FGD3: variants seen among roughly 807,000 people sequenced by gnomAD.
FGD3 encodes FYVE, RhoGEF and PH domain containing 3.
A neutral mutation model predicts 71.8 loss-of-function variants in FGD3; 45 were observed. The observed-to-expected ratio is 0.63, with a 90% CI of 0.49 to 0.80. FGD3 has a LOEUF of 0.80. Ranked by LOEUF, FGD3 falls within the 30% of genes least tolerant of loss-of-function variation. The pLI is 0.00. For missense variants in FGD3, 844 were observed against 951.5 expected, an observed-to-expected ratio of 0.89 and a Z score of 1.49; for synonymous variants, 378 against 392.8, an observed-to-expected ratio of 0.96 and a Z score of 0.44.
intron 1 of FGD3, among the ~76,000 whole-genome samples, chr9:92,951,744 A>G (rs1858958304): frequency 6.6e-6 from 1 of 152,190 alleles, no homozygotes; most frequent in Non-Finnish European, 1.5e-5. Flanking sequence ...GAGCACACTC[A>G]TGTTCTTGGT....
At chr9:92,994,892 T>A (rs1860569441) in intron 3 of FGD3, among the ~76,000 whole-genome samples, 1 of 152,246 alleles carries the variant, frequency 6.6e-6, no homozygotes, top group Admixed American at 6.5e-5. Context: ...TAATATAGTT[T>A]GAAGTCGGGT....
chr9:92,971,566 CTTTTTTTTTTTTTTT>C (rs869043960), intron 1 of FGD3, among the ~76,000 whole-genome samples: 2 of 39,570 alleles, frequency 5.1e-5, no homozygotes, highest in Non-Finnish European at 9.3e-5. Flanking sequence ...CTTTTCTTTT[CTTTTTTTTTTTTTTT>C]TTTTTTTTTT....
chr9:92,980,680 G>A (rs1048657563), intron 3 of FGD3, among the ~76,000 whole-genome samples: 1 of 151,944 alleles, frequency 6.6e-6, no homozygotes, highest in African/African-American at 2.4e-5. Context: ...GTTTAAGAAT[G>A]TGTTGTTTAG....
intron 3 of FGD3, among the ~76,000 whole-genome samples, chr9:92,995,148 G>C (rs987867068): frequency 2.0e-5 from 3 of 151,878 alleles, no homozygotes; most frequent in Non-Finnish European, 4.4e-5. Flanking sequence ...CTTTTATTTC[G>C]TTGAGCAGTG....
intron 13 of FGD3, 104 bp downstream of exon 13, chr9:93,020,528 C>T (rs1332364847): frequency 1.2e-6 from 1 of 861,260 alleles, no homozygotes; most frequent in Non-Finnish European, 1.9e-6. Context: ...TCCAGGCTTT[C>T]CTCCTGCTAC....
intron 14 of FGD3, among the ~76,000 whole-genome samples, chr9:93,024,106 C>T (rs12379054): frequency 0.39 from 60,021 of 152,064 alleles, 13,159 homozygotes; most frequent in African/African-American, 0.59. Context: ...GGAATCCGCC[C>T]GTCAGCAACT....
rs140369412 is a variant in FGD3, at chr9:93,035,979, G to A, written c.*390G>A. The A allele has an allele frequency of 1.7e-3, 331 of 196,638 alleles. 2 individuals carry two copies. The highest frequency in any genetic ancestry group is 7.3e-3 in the African/African-American group (314 of 43,020). 12.2% of individuals were successfully genotyped at this position (196,638 alleles called of 1,614,324 possible). ...GGTCCACCCCGCCTCTGCCCAGCCT[G>A]TCTACACCGTGTGAGCTGAATCGTG... On this transcript the variant is annotated 3_prime_UTR_variant, in exon 18 of 18. Coordinates refer to ENST00000375482, the MANE Select transcript of FGD3 (RefSeq NM_001083536.2).
intron 11 of FGD3, among the ~76,000 whole-genome samples, chr9:93,019,150 C>T (rs1390005916): frequency 1.3e-5 from 2 of 152,142 alleles, no homozygotes; most frequent in African/African-American, 2.4e-5. Flanking sequence ...GTGCCCAGCC[C>T]CTTCTAGGAT....
chr9:93,020,513 T>A, intron 13 of FGD3, 89 bp downstream of exon 13: 1 of 1,096,770 alleles, frequency 9.1e-7, no homozygotes, highest in Non-Finnish European at 1.4e-6. Context: ...GTGGGCAGCT[T>A]GACCTCCAGG....
chr9:93,009,797 C>A (rs543741474), intron 6 of FGD3, among the ~76,000 whole-genome samples: 2 of 152,200 alleles, frequency 1.3e-5, no homozygotes, highest in African/African-American at 4.8e-5. Flanking sequence ...AAGGACTCCC[C>A]GAGCTGCTTC....
intron 1 of FGD3, among the ~76,000 whole-genome samples, chr9:92,954,696 T>C (rs571242793): frequency 6.6e-6 from 1 of 152,300 alleles, no homozygotes; most frequent in South Asian, 2.1e-4. Flanking sequence ...CTTTGGCCTC[T>C]CTGAACCTCA....
intron 15 of FGD3, among the ~76,000 whole-genome samples, chr9:93,031,392 G>A (rs1018848230): frequency 6.6e-6 from 1 of 152,176 alleles, no homozygotes; most frequent in African/African-American, 2.4e-5. Flanking sequence ...CTTGGAGTGA[G>A]CGTCCTCATG....
intron 7 of FGD3, 62 bp from the exon 8 acceptor site, chr9:93,011,152 C>T: frequency 6.4e-7 from 1 of 1,561,484 alleles, no homozygotes; most frequent in Non-Finnish European, 8.8e-7. Context: ...CCCTGGAGCC[C>T]CTCAGGCAAG....
chr9:92,979,414 T>A (rs1859900578), intron 3 of FGD3, among the ~76,000 whole-genome samples: 1 of 152,212 alleles, frequency 6.6e-6, no homozygotes, highest in African/African-American at 2.4e-5. Context: ...TTACATTAAT[T>A]GATTTTTGTT....
At chr9:93,017,846 T>C (rs1158401701) in intron 10 of FGD3, among the ~76,000 whole-genome samples, 1 of 151,266 alleles carries the variant, frequency 6.6e-6, no homozygotes, top group Middle Eastern at 3.2e-3. Context: ...GGAGGATGCC[T>C]GACGGGCTGG....
intron 1 of FGD3, among the ~76,000 whole-genome samples, chr9:92,964,778 G>T (rs1327414008): frequency 6.6e-6 from 1 of 152,108 alleles, no homozygotes; most frequent in Non-Finnish European, 1.5e-5. Context: ...ACCAGCCAGG[G>T]CATCGAGACC....
chr9:93,000,659 T>C (rs1305535853), intron 3 of FGD3, among the ~76,000 whole-genome samples: 2 of 152,192 alleles, frequency 1.3e-5, no homozygotes, highest in Non-Finnish European at 2.9e-5. Flanking sequence ...CTCATAATCT[T>C]ATGGAAGACC....
chr9:92,959,890 C>A (rs1178564199), intron 1 of FGD3, among the ~76,000 whole-genome samples: 1 of 151,736 alleles, frequency 6.6e-6, no homozygotes, highest in Non-Finnish European at 1.5e-5. Flanking sequence ...CCCCTGTACC[C>A]CCATGCCCTC....
intron 3 of FGD3, among the ~76,000 whole-genome samples, chr9:92,977,953 G>A (rs1482895637): frequency 6.6e-6 from 1 of 152,104 alleles, no homozygotes; most frequent in East Asian, 1.9e-4. Context: ...TTATAAACAG[G>A]ACCAGGCAAG....
Sources: gnomAD v4.1 joint callset for allele counts (sites outside exome capture counted in the v4.1 genomes callset) on GRCh38, gnomAD v4.1.1 for gene constraint, MANE v1.5 for transcripts, NCBI Gene and HGNC (gene_info 2026-07-23, HGNC 2026-07-21) for gene names.